LRRC7: variants seen among roughly 807,000 people sequenced by gnomAD.
The protein encoded by LRRC7 is leucine-rich repeat-containing protein 7.
LRRC7 carries 23 observed loss-of-function variants against 175.7 expected under a neutral mutation model. That is an observed-to-expected ratio of 0.13 (90% CI 0.09 to 0.19). The LOEUF (loss-of-function observed/expected upper bound fraction) is 0.19. Ranked by LOEUF, LRRC7 falls within the 10% of genes least tolerant of loss-of-function variation. The pLI, the probability that LRRC7 is intolerant of heterozygous loss-of-function variation, is 1.00. For synonymous variants in LRRC7, 685 were observed against 680.9 expected (o/e 1.01, Z -0.09); for missense variants, 1,354 against 1,904.7 (o/e 0.71, Z 5.38).
chr1:69,994,257 C>T (rs1200031138), intron 10 of LRRC7, among the ~76,000 whole-genome samples: 2 of 152,212 alleles, frequency 1.3e-5, no homozygotes, highest in East Asian at 1.9e-4. Context: ...GGTCCATTTG[C>T]TGAAGAATAC....
At chr1:69,830,461 A>G (rs1018732621) in intron 5 of LRRC7, among the ~76,000 whole-genome samples, 50 of 151,990 alleles carry the variant, frequency 3.3e-4, no homozygotes, top group African/African-American at 1.2e-3. Flanking sequence ...ATGATTTTTC[A>G]AATAACATCG....
chr1:69,664,151 T>C (rs939407666), intron 1 of LRRC7, among the ~76,000 whole-genome samples: 2 of 152,254 alleles, frequency 1.3e-5, no homozygotes, highest in African/African-American at 2.4e-5. Flanking sequence ...TTTTCATGGC[T>C]GACTAGTATT....
chr1:69,632,026 C>T (rs562414250), intron 1 of LRRC7, among the ~76,000 whole-genome samples: 2 of 152,236 alleles, frequency 1.3e-5, no homozygotes, highest in Admixed American at 1.3e-4. Flanking sequence ...AATACAGCCT[C>T]TTTTTAAATT....
intron 26 of LRRC7, among the ~76,000 whole-genome samples, chr1:70,116,235 A>G (rs1282686651): frequency 6.6e-6 from 1 of 152,192 alleles, no homozygotes; most frequent in Non-Finnish European, 1.5e-5. Flanking sequence ...GCTGCAGTAC[A>G]TGTGTGTACT....
chr1:69,639,644 G>C (rs1653908863), intron 1 of LRRC7, among the ~76,000 whole-genome samples: 2 of 151,762 alleles, frequency 1.3e-5, no homozygotes, highest in Non-Finnish European at 3.0e-5. Flanking sequence ...TGCTTTAGGA[G>C]TTAGATCAAA....
chr1:69,711,129 T>C (rs1192458963), intron 2 of LRRC7, among the ~76,000 whole-genome samples: 1 of 152,162 alleles, frequency 6.6e-6, no homozygotes, highest in Non-Finnish European at 1.5e-5. Flanking sequence ...TCTCTGAAGA[T>C]ATTGGTGACC....
intron 4 of LRRC7, among the ~76,000 whole-genome samples, chr1:69,795,250 C>T (rs1433082819): frequency 1.3e-5 from 2 of 151,944 alleles, no homozygotes; most frequent in Non-Finnish European, 2.9e-5. Context: ...TGTGGTGGCA[C>T]ATGCCTGTAA....
At chr1:70,004,715 C>T (rs966079020) in intron 11 of LRRC7, among the ~76,000 whole-genome samples, 1 of 151,908 alleles carries the variant, frequency 6.6e-6, no homozygotes, top group Non-Finnish European at 1.5e-5. Context: ...ATCTCTCTCT[C>T]TCTCTCTCCC....
At chr1:69,685,460 A>G (rs1661021612) in intron 2 of LRRC7, among the ~76,000 whole-genome samples, 1 of 152,174 alleles carries the variant, frequency 6.6e-6, no homozygotes, top group Admixed American at 6.5e-5. Flanking sequence ...AGAATGCTTC[A>G]GGAGACAATT....
intron 3 of LRRC7, among the ~76,000 whole-genome samples, chr1:69,761,976 G>T (rs1263372365): frequency 6.6e-6 from 1 of 151,886 alleles, no homozygotes; most frequent in Admixed American, 6.6e-5. Flanking sequence ...ATCTAGGATT[G>T]CCAGAAAGAA....
chr1:69,730,983 A>G (rs537687424), intron 2 of LRRC7, among the ~76,000 whole-genome samples: 14 of 152,202 alleles, frequency 9.2e-5, no homozygotes, highest in African/African-American at 3.1e-4. Flanking sequence ...GTGCCGAGAA[A>G]AAGGGGAAAA....
In LRRC7 at chr1:69,944,436, A is replaced by G. The variant is rs368913415; in HGVS notation, c.711+12866A>G. On this transcript the variant is annotated intron_variant, in intron 8 of 26. Transcript: ENST00000651989. ...CAGTGGACATTTGGGTCACTTATAC[A>G]TCCCAGCTATCGTTAATAATGCTGC... Among the ~76,000 whole-genome samples, 31 of 152,224 alleles carry G rather than the reference A, an allele frequency of 2.0e-4. No homozygotes were observed. In the East Asian group the frequency reaches 5.2e-3, roughly 26 times the overall value.
chr1:69,811,439 TAA>T (rs1677851396), intron 4 of LRRC7, among the ~76,000 whole-genome samples: 1 of 152,176 alleles, frequency 6.6e-6, no homozygotes, highest in South Asian at 2.1e-4. Flanking sequence ...CAAAGGATTA[TAA>T]ATCATTCTAA....
intron 7 of LRRC7, among the ~76,000 whole-genome samples, chr1:69,906,779 T>C (rs1056416525): frequency 2.6e-5 from 4 of 152,174 alleles, no homozygotes; most frequent in Middle Eastern, 3.2e-3. Flanking sequence ...TAAAGCAGTT[T>C]TTTCCAATTC....
chr1:69,646,404 A>C (rs1397600237), intron 1 of LRRC7, among the ~76,000 whole-genome samples: 1 of 152,198 alleles, frequency 6.6e-6, no homozygotes, highest in Non-Finnish European at 1.5e-5. Flanking sequence ...AAACAGTTAT[A>C]ATAGTATGTG....
chr1:69,570,217 G>A (rs924760844), intron 1 of LRRC7, among the ~76,000 whole-genome samples: 7 of 152,018 alleles, frequency 4.6e-5, no homozygotes, highest in Admixed American at 1.3e-4. Flanking sequence ...CCCTCCAACG[G>A]GTGAGATACA....
chr1:69,718,693 C>T (rs1452334886), intron 2 of LRRC7, among the ~76,000 whole-genome samples: 1 of 151,536 alleles, frequency 6.6e-6, no homozygotes, highest in East Asian at 1.9e-4. Flanking sequence ...AAATTCTGTT[C>T]GAAGAAAGAG....
At chr1:70,076,053 C>T in intron 23 of LRRC7, 24 bp from the exon 24 acceptor site, 1 of 1,610,800 alleles carries the variant, frequency 6.2e-7, no homozygotes, top group Non-Finnish European at 8.5e-7. Context: ...TGAATCTTTG[C>T]CTGACAGATT....
At chr1:69,736,844 T>C (rs1668168735) in intron 2 of LRRC7, among the ~76,000 whole-genome samples, 1 of 152,132 alleles carries the variant, frequency 6.6e-6, no homozygotes, top group Non-Finnish European at 1.5e-5. Flanking sequence ...CATCATTATC[T>C]TTACACTGCC....
Sources: allele counts gnomAD v4.1 joint callset (sites outside exome capture counted in the v4.1 genomes callset), GRCh38; gene constraint gnomAD v4.1.1; transcripts MANE v1.5; gene names NCBI Gene and HGNC (gene_info 2026-07-23, HGNC 2026-07-21).